CDH18: variants seen among roughly 807,000 people sequenced by gnomAD.
CDH18 encodes the protein cadherin 18.
In CDH18, 31 loss-of-function variants were observed where a neutral mutation model predicts 67.9. That is an observed-to-expected ratio of 0.46 (90% CI 0.34 to 0.62). The LOEUF is 0.62. Ranked by LOEUF, CDH18 falls within the 20% of genes least tolerant of loss-of-function variation. CDH18 has a pLI of 0.01. For missense variants in CDH18, 890 were observed against 975.5 expected (o/e 0.91, Z 1.17); for synonymous variants, 362 against 347.2 (o/e 1.04, Z -0.48).
intron 1 of CDH18, among the ~76,000 whole-genome samples, chr5:20,454,998 G>A (rs779998413): frequency 5.2e-4 from 79 of 151,942 alleles, no homozygotes; most frequent in Admixed American, 1.2e-3. Flanking sequence ...GGAAGAACAT[G>A]CAAGAACATG....
At chr5:19,638,653 C>T (rs73760039) in intron 5 of CDH18, among the ~76,000 whole-genome samples, 4 of 151,602 alleles carry the variant, frequency 2.6e-5, no homozygotes, top group East Asian at 3.9e-4. Flanking sequence ...TGCCTTCCCC[C>T]CCCGCGCCCC....
chr5:20,135,393 G>C (rs1045102248), intron 2 of CDH18, among the ~76,000 whole-genome samples: 3 of 151,902 alleles, frequency 2.0e-5, no homozygotes, highest in African/African-American at 7.3e-5. Flanking sequence ...TGATTATAGT[G>C]TTCTCTGATG....
intron 5 of CDH18, among the ~76,000 whole-genome samples, chr5:19,685,540 A>G (rs1268504790): frequency 6.6e-6 from 1 of 152,106 alleles, no homozygotes; most frequent in Non-Finnish European, 1.5e-5. Flanking sequence ...TGTGTGGGAA[A>G]ATATTAGTTG....
intron 1 of CDH18, among the ~76,000 whole-genome samples, chr5:20,280,975 T>C (rs1308275510): frequency 1.3e-5 from 2 of 152,240 alleles, no homozygotes; most frequent in Non-Finnish European, 2.9e-5. Context: ...TGAGCATTTT[T>C]TCATGTGTTT....
intron 5 of CDH18, among the ~76,000 whole-genome samples, chr5:19,621,783 G>A (rs190551927): frequency 1.7e-4 from 26 of 152,100 alleles, no homozygotes; most frequent in East Asian, 5.8e-4. Flanking sequence ...ATACTGTATC[G>A]GACACTTAAA....
At chr5:19,811,862 A>G (rs1326296377) in intron 3 of CDH18, among the ~76,000 whole-genome samples, 1 of 152,186 alleles carries the variant, frequency 6.6e-6, no homozygotes, top group East Asian at 1.9e-4. Context: ...AAGAAGAAAA[A>G]AATGACCATT....
At chr5:20,012,675 T>C (rs980335163) in intron 2 of CDH18, among the ~76,000 whole-genome samples, 1 of 151,984 alleles carries the variant, frequency 6.6e-6, no homozygotes, top group Non-Finnish European at 1.5e-5. Context: ...AGTGATAGAC[T>C]GGATGAAGAA....
chr5:20,171,235 A>G (rs1399729678), intron 2 of CDH18, among the ~76,000 whole-genome samples: 5 of 152,066 alleles, frequency 3.3e-5, no homozygotes, highest in Non-Finnish European at 5.9e-5. Context: ...TACATACTCA[A>G]TAATGGGATT....
chr5:19,483,161 T>G, intron 12 of CDH18, 140 bp downstream of exon 12: 1 of 698,898 alleles, frequency 1.4e-6, no homozygotes, highest in South Asian at 2.0e-5. Flanking sequence ...AATGACAGTA[T>G]TGAGAAAATT....
intron 2 of CDH18, among the ~76,000 whole-genome samples, chr5:19,941,300 G>A (rs1794790638): frequency 6.6e-6 from 1 of 152,122 alleles, no homozygotes; most frequent in Non-Finnish European, 1.5e-5. Flanking sequence ...TGTGAGAAAT[G>A]AATTTCTGTG....
chr5:19,629,691 G>C (rs947188984), intron 5 of CDH18, among the ~76,000 whole-genome samples: 1 of 152,048 alleles, frequency 6.6e-6, no homozygotes, highest in Non-Finnish European at 1.5e-5. Flanking sequence ...TATGTCTATT[G>C]GTTGAACAAA....
chr5:20,283,952 G>C (rs911697049), intron 1 of CDH18, among the ~76,000 whole-genome samples: 1 of 152,016 alleles, frequency 6.6e-6, no homozygotes, highest in African/African-American at 2.4e-5. Context: ...CAATAGCATG[G>C]ATGGAACTAG....
intron 2 of CDH18, among the ~76,000 whole-genome samples, chr5:20,195,364 T>C (rs1223969293): frequency 6.6e-6 from 1 of 152,036 alleles, no homozygotes; most frequent in Non-Finnish European, 1.5e-5. Context: ...CCAGCTAATA[T>C]GGGTATTACT....
rs528105669 is a variant in CDH18 at position 19,599,207 on chromosome 5, A to T, written c.812-7963T>A. Among the ~76,000 whole-genome samples, 11 of 152,244 alleles carry T rather than the reference A, an allele frequency of 7.2e-5. No individual in the cohort carries two copies. In the South Asian group the frequency reaches 2.3e-3, roughly 32 times the overall value. Reference sequence around the variant, plus strand: ...ATATGTACACACAGTGTTATATAATAGACGCAACATATTCATAGATGTCCT... The same window carrying T: ...ATATGTACACACAGTGTTATATAATTGACGCAACATATTCATAGATGTCCT... On this transcript the variant is annotated intron_variant, in intron 6 of 12. Transcript: ENST00000382275.
chr5:19,924,017 G>C (rs573133764), intron 2 of CDH18, among the ~76,000 whole-genome samples: 254 of 152,234 alleles, frequency 1.7e-3, no homozygotes, highest in Non-Finnish European at 2.9e-3. Context: ...CTATGAGACC[G>C]GTACTTTCTT....
chr5:20,527,286 T>C (rs571505138), intron 1 of CDH18, among the ~76,000 whole-genome samples: 25 of 151,906 alleles, frequency 1.6e-4, no homozygotes, highest in Non-Finnish European at 3.1e-4. Flanking sequence ...CTGTGATGGA[T>C]TGGAGTACCC....
intron 2 of CDH18, among the ~76,000 whole-genome samples, chr5:20,227,253 A>C (rs1357684091): frequency 6.6e-6 from 1 of 152,138 alleles, no homozygotes; most frequent in African/African-American, 2.4e-5. Flanking sequence ...AGGAGGGTCC[A>C]TCTGAAAATT....
At chr5:19,929,926 A>C (rs906725905) in intron 2 of CDH18, among the ~76,000 whole-genome samples, 1 of 152,122 alleles carries the variant, frequency 6.6e-6, no homozygotes, top group African/African-American at 2.4e-5. Context: ...GCAGCAGGAA[A>C]AACGTTGGTT....
intron 5 of CDH18, 66 bp from the exon 6 acceptor site, chr5:19,612,667 C>A (rs1344506611): frequency 9.4e-5 from 109 of 1,165,008 alleles, no homozygotes; most frequent in Non-Finnish European, 1.1e-4. Context: ...CAAACATACA[C>A]ATACATATTT....
Sources: gnomAD v4.1 joint callset for allele counts (sites outside exome capture counted in the v4.1 genomes callset) on GRCh38, gnomAD v4.1.1 for gene constraint, MANE v1.5 for transcripts, NCBI Gene and HGNC (gene_info 2026-07-23, HGNC 2026-07-21) for gene names.